CAMKMT: variants seen among roughly 807,000 people sequenced by gnomAD.
The protein encoded by CAMKMT is calmodulin-lysine N-methyltransferase.
A neutral mutation model predicts 48.0 loss-of-function variants in CAMKMT; 53 were observed. The ratio of observed to expected loss-of-function variants is 1.10; its 90% CI spans 0.89 to 1.39. The LOEUF is 1.39. Ranked by LOEUF, CAMKMT falls within the 40% of genes most tolerant of loss-of-function variation. The pLI is 0.00. For synonymous variants in CAMKMT, 165 were observed against 152.3 expected (o/e 1.08, Z -0.61); for missense variants, 428 against 402.7 (o/e 1.06, Z -0.54).
intron 3 of CAMKMT, among the ~76,000 whole-genome samples, chr2:44,442,186 G>A (rs1666705885): frequency 6.6e-6 from 1 of 152,110 alleles, no homozygotes; most frequent in African/African-American, 2.4e-5. Context: ...CTTAGATAAG[G>A]TGAATGAAAG....
intron 4 of CAMKMT, chr2:44,705,401 G>T (rs191047299): frequency 1.0e-6 from 1 of 985,336 alleles, no homozygotes; most frequent in East Asian, 1.1e-4. Flanking sequence ...TTGAATGTGG[G>T]CTGCAGAGCT....
At chr2:44,658,924 T>C (rs1358835705) in intron 3 of CAMKMT, among the ~76,000 whole-genome samples, 1 of 152,138 alleles carries the variant, frequency 6.6e-6, no homozygotes, top group Non-Finnish European at 1.5e-5. Flanking sequence ...TTTCCTCAAA[T>C]AGGGTTTCAA....
At chr2:44,722,863 A>G (rs1346253640) in intron 7 of CAMKMT, among the ~76,000 whole-genome samples, 1 of 152,180 alleles carries the variant, frequency 6.6e-6, no homozygotes, top group Non-Finnish European at 1.5e-5. Context: ...TTAGTAAAAT[A>G]ATTAGTACCT....
At chr2:44,655,268 C>G (rs192910934) in intron 3 of CAMKMT, among the ~76,000 whole-genome samples, 1 of 152,254 alleles carries the variant, frequency 6.6e-6, no homozygotes, top group Admixed American at 6.5e-5. Context: ...AAATGATAAG[C>G]TCCCAAATGC....
intron 3 of CAMKMT, among the ~76,000 whole-genome samples, chr2:44,546,145 G>C (rs1667383433): frequency 7.5e-6 from 1 of 133,768 alleles, no homozygotes; most frequent in Non-Finnish European, 1.5e-5. Context: ...GGCTATCTTA[G>C]ACTGCTAGGA....
intron 3 of CAMKMT, among the ~76,000 whole-genome samples, chr2:44,586,163 G>A (rs1000966658): frequency 6.6e-6 from 1 of 152,266 alleles, no homozygotes; most frequent in East Asian, 1.9e-4. Context: ...AGGTGGCATA[G>A]GTGTTAAAGG....
intron 3 of CAMKMT, among the ~76,000 whole-genome samples, chr2:44,611,127 C>G (rs993614168): frequency 2.6e-5 from 4 of 151,990 alleles, no homozygotes; most frequent in Admixed American, 2.6e-4. Context: ...TAGGCTGAGT[C>G]CATTTAAAGA....
At chr2:44,432,196 A>G (rs1393019449) in intron 3 of CAMKMT, among the ~76,000 whole-genome samples, 2 of 152,228 alleles carry the variant, frequency 1.3e-5, no homozygotes, top group Non-Finnish European at 2.9e-5. Context: ...GTAATGTCAT[A>G]GACAAAAGGG....
At chr2:44,442,059 C>G (rs1186777830) in intron 3 of CAMKMT, among the ~76,000 whole-genome samples, 1 of 152,162 alleles carries the variant, frequency 6.6e-6, no homozygotes, top group African/African-American at 2.4e-5. Context: ...GCAGGTAGCT[C>G]CCTTGCTACT....
At chr2:44,365,248 A>G (rs369078602) in intron 1 of CAMKMT, among the ~76,000 whole-genome samples, 4 of 152,210 alleles carry the variant, frequency 2.6e-5, no homozygotes, top group Admixed American at 6.5e-5. Flanking sequence ...CCATTACCCT[A>G]TAGAGCTCCA....
rs190476356 is a variant in CAMKMT at position 44,684,889 on chromosome 2, C to T, written c.377-19394C>T. 2.0e-5 allele frequency among the ~76,000 whole-genome samples: 3 copies of T among 152,124 alleles called. No homozygotes were observed. In the East Asian group the frequency reaches 5.8e-4, roughly 29 times the overall value. ...AGAAACTTACCCACACAAGAACTGA[C>T]CTGTGATTGCATTTGTAGGTAGAAT... On this transcript the variant is annotated intron_variant, in intron 3 of 10. Transcript: ENST00000378494.
chr2:44,497,707 CAAAGAGAGAGAGAG>C, intron 3 of CAMKMT, among the ~76,000 whole-genome samples: 1 of 82,796 alleles, frequency 1.2e-5, no homozygotes, highest in African/African-American at 7.1e-5. Flanking sequence ...ATTAAGCAGG[CAAAGAGAGAGAGAG>C]AGAGAGAGAG....
chr2:44,649,890 C>G (rs6740642), intron 3 of CAMKMT, among the ~76,000 whole-genome samples: 5,510 of 152,238 alleles, frequency 0.036, 323 homozygotes, highest in African/African-American at 0.13. Flanking sequence ...AAATCTTCCA[C>G]TTATGTCTCA....
chr2:44,558,933 TA>T lies in CAMKMT; in HGVS notation c.377-145346del, dbSNP rs1668172038. ...GAATACATACCCCCTGAACCTAAAA[TA>T]AAAGTCTGGAAAATGTGTCTCTGTG... On this transcript the variant is annotated intron_variant, in intron 3 of 10. Coordinates refer to ENST00000378494, the MANE Select transcript of CAMKMT (RefSeq NM_024766.5). Among the ~76,000 whole-genome samples, 3 of 145,286 alleles carry T rather than the reference TA, an allele frequency of 2.1e-5. No individual in the cohort carries two copies. In the Admixed American group the frequency reaches 2.1e-4, roughly 10 times the overall value.
At chr2:44,661,621 A>G (rs1674683883) in intron 3 of CAMKMT, among the ~76,000 whole-genome samples, 1 of 152,072 alleles carries the variant, frequency 6.6e-6, no homozygotes, top group Non-Finnish European at 1.5e-5. Flanking sequence ...GTGTGATAGA[A>G]TCTCCGTTAC....
At chr2:44,697,713 T>C (rs949939794) in intron 3 of CAMKMT, among the ~76,000 whole-genome samples, 4 of 152,118 alleles carry the variant, frequency 2.6e-5, no homozygotes, top group Non-Finnish European at 5.9e-5. Context: ...TAAAATATAA[T>C]ATTAAGCAGA....
chr2:44,397,477 G>T (rs1423061208), intron 3 of CAMKMT, among the ~76,000 whole-genome samples: 1 of 152,158 alleles, frequency 6.6e-6, no homozygotes, highest in African/African-American at 2.4e-5. Flanking sequence ...TTCTTAGTCT[G>T]TGTTAGAATT....
chr2:44,596,639 A>G (rs570041524), intron 3 of CAMKMT, among the ~76,000 whole-genome samples: 109 of 152,188 alleles, frequency 7.2e-4, no homozygotes, highest in Non-Finnish European at 1.4e-3. Context: ...AGTCCAATTC[A>G]TCAAGCAGCC....
intron 3 of CAMKMT, among the ~76,000 whole-genome samples, chr2:44,610,287 A>G (rs565390788): frequency 6.6e-6 from 1 of 152,356 alleles, no homozygotes; most frequent in South Asian, 2.1e-4. Context: ...TAGGGTTAAA[A>G]GAGTTAAATA....
Sources: gnomAD v4.1 joint callset for allele counts (sites outside exome capture counted in the v4.1 genomes callset) on GRCh38, gnomAD v4.1.1 for gene constraint, MANE v1.5 for transcripts, NCBI Gene and HGNC (gene_info 2026-07-23, HGNC 2026-07-21) for gene names.